CREB1: variants seen among roughly 807,000 people sequenced by gnomAD.
CREB1 encodes cyclic AMP-responsive element-binding protein 1.
A neutral mutation model predicts 42.0 loss-of-function variants in CREB1; 2 were observed. The observed-to-expected ratio is 0.05, with a 90% CI of 0.02 to 0.15. The LOEUF (loss-of-function observed/expected upper bound fraction) is 0.15. CREB1 is among the 10% of genes least tolerant of loss of function. CREB1 has a pLI of 1.00. For missense variants in CREB1, 199 were observed against 388.9 expected (o/e 0.51, Z 4.11); for synonymous variants, 123 against 139.9 (o/e 0.88, Z 0.85).
intron 4 of CREB1, 107 bp from the exon 5 acceptor site, chr2:207,570,072 C>T: frequency 3.1e-6 from 2 of 637,444 alleles, no homozygotes; most frequent in South Asian, 2.4e-5. Context: ...ACCTTCTGTC[C>T]TAAGCACTAG....
chr2:207,545,530 A>G (rs1042472470), intron 1 of CREB1, among the ~76,000 whole-genome samples: 1 of 151,760 alleles, frequency 6.6e-6, no homozygotes, highest in African/African-American at 2.4e-5. Context: ...AGGTTCTTAT[A>G]TGTTTTATGC....
chr2:207,549,373 G>A (rs1185073301), intron 1 of CREB1, among the ~76,000 whole-genome samples: 1 of 151,930 alleles, frequency 6.6e-6, no homozygotes, highest in Non-Finnish European at 1.5e-5. Context: ...GTTCTGCCAG[G>A]TTGGACATAT....
chr2:207,572,987 A>G (rs907308797), intron 5 of CREB1, among the ~76,000 whole-genome samples: 2 of 152,226 alleles, frequency 1.3e-5, no homozygotes, highest in East Asian at 3.8e-4. Context: ...GTAAAATCTT[A>G]TTAGTGATTC....
At position 207,570,317 on chromosome 2, in the gene CREB1, G is replaced by A; in HGVS notation, c.501G>A (p.Gln167=). ...PTPIYQTSSG[Q]YIAITQGGAI... ...CAATTTACCAAACTAGCAGTGGACA[G>A]TATAGTGAGTAATAGACAATTTCTG... Residue 167 remains glutamine, a synonymous_variant, in exon 5 of 8, where the codon CAG becomes CAA. Transcript: ENST00000353267. 1.3e-6 allele frequency: 2 copies of A among 1,595,694 alleles called. No homozygotes were observed. Among genetic ancestry groups the A allele is most frequent in the Non-Finnish European group, 1.7e-6 (2 of 1,173,572 alleles).
intron 1 of CREB1, among the ~76,000 whole-genome samples, chr2:207,535,718 G>A (rs1270648486): frequency 1.3e-5 from 2 of 151,696 alleles, no homozygotes; most frequent in African/African-American, 4.8e-5. Context: ...ACGTATTTCA[G>A]CCAAAGCACA....
At chr2:207,571,720 T>C in intron 5 of CREB1, 1 of 455,132 alleles carries the variant, frequency 2.2e-6, no homozygotes, top group Non-Finnish European at 4.4e-6. Context: ...ATGTTTATTT[T>C]TCTTCTACTT....
intron 7 of CREB1, chr2:207,577,896 A>G (rs759731442): frequency 2.1e-6 from 1 of 472,398 alleles, no homozygotes; most frequent in African/African-American, 2.0e-5. Flanking sequence ...TCCCCACAGG[A>G]GATTTAATGC....
intron 7 of CREB1, among the ~76,000 whole-genome samples, chr2:207,590,083 G>GTTTTTTTTT (rs59126515): frequency 1.3e-5 from 1 of 76,154 alleles, no homozygotes; most frequent in Admixed American, 1.7e-4. Flanking sequence ...ATTTTGAGAA[G>GTTTTTTTTT]TTTTTTTTTT....
At chr2:207,571,710 A>T (rs567108939) in intron 5 of CREB1, 1 of 454,754 alleles carries the variant, frequency 2.2e-6, no homozygotes, top group African/African-American at 2.0e-5. Flanking sequence ...TTGATACATG[A>T]TGTTTATTTT....
intron 7 of CREB1, among the ~76,000 whole-genome samples, chr2:207,596,662 A>C (rs1575040479): frequency 6.6e-6 from 1 of 152,140 alleles, no homozygotes; most frequent in Non-Finnish European, 1.5e-5. Flanking sequence ...TGGACTCCTG[A>C]CCTCAGGTGA....
chr2:207,595,776 C>T lies in CREB1; in HGVS notation c.840-1138C>T, dbSNP rs866433420. On this transcript the variant is annotated intron_variant, in intron 7 of 7. Coordinates refer to ENST00000353267, the MANE Select transcript of CREB1 (RefSeq NM_004379.5). The stretch of plus-strand genomic sequence containing the variant: ...TAGAGACAGGGTCTTAATATATTGC[C>T]CAGGCTGTTCTTGAACACATGGGTT... Among the ~76,000 whole-genome samples the T allele has an allele frequency of 7.9e-5, 12 of 152,126 alleles. No homozygotes were observed. The East Asian group carries it at 2.1e-3, about 27-fold the overall frequency.
chr2:207,593,887 T>G (rs2085581963), intron 7 of CREB1, among the ~76,000 whole-genome samples: 1 of 151,900 alleles, frequency 6.6e-6, no homozygotes, highest in South Asian at 2.1e-4. Context: ...CCCAGCTAAT[T>G]TTTGTATTTT....
intron 1 of CREB1, among the ~76,000 whole-genome samples, chr2:207,543,077 G>A (rs1053050357): frequency 2.0e-5 from 3 of 152,188 alleles, no homozygotes; most frequent in African/African-American, 2.4e-5. Flanking sequence ...GCATGTAATC[G>A]ACAAATATCC....
At chr2:207,572,225 C>A (rs1164539420) in intron 5 of CREB1, among the ~76,000 whole-genome samples, 2,210 of 97,268 alleles carry the variant, frequency 0.023, no homozygotes, top group African/African-American at 0.034. Flanking sequence ...GATTCCGTCT[C>A]AAAAAAAAAA....
At chr2:207,566,404 C>G (rs1354573203) in intron 3 of CREB1, among the ~76,000 whole-genome samples, 1 of 152,138 alleles carries the variant, frequency 6.6e-6, no homozygotes, top group Non-Finnish European at 1.5e-5. Flanking sequence ...GCCCCTAGTT[C>G]AGGAAAGAGC....
At chr2:207,590,681 G>GCAGA (rs1379683389) in intron 7 of CREB1, among the ~76,000 whole-genome samples, 21 of 152,098 alleles carry the variant, frequency 1.4e-4, no homozygotes, top group African/African-American at 4.8e-4. Flanking sequence ...TTCAGGCTTT[G>GCAGA]CAGACCAAAT....
chr2:207,587,051 A>G (rs1273502590), intron 7 of CREB1, among the ~76,000 whole-genome samples: 1 of 152,158 alleles, frequency 6.6e-6, no homozygotes, highest in Non-Finnish European at 1.5e-5. Flanking sequence ...TGTTGATGAG[A>G]ATGTACATTA....
intron 7 of CREB1, chr2:207,582,075 T>C (rs1467146869): frequency 2.9e-6 from 2 of 701,578 alleles, no homozygotes; most frequent in Non-Finnish European, 5.2e-6. Context: ...TTGGTTAAAG[T>C]GCTGTCCAGG....
intron 2 of CREB1, among the ~76,000 whole-genome samples, chr2:207,558,221 A>T (rs1277217091): frequency 6.6e-6 from 1 of 152,180 alleles, no homozygotes; most frequent in Admixed American, 6.5e-5. Context: ...CTTTATAGGG[A>T]TCTTCCCCCC....
Sources: allele counts gnomAD v4.1 joint callset (sites outside exome capture counted in the v4.1 genomes callset), GRCh38; gene constraint gnomAD v4.1.1; transcripts MANE v1.5; gene names NCBI Gene and HGNC (gene_info 2026-07-23, HGNC 2026-07-21).